The following DPP4 variants were observed in gnomAD, a reference collection of about 807,000 sequenced individuals.
DPP4 encodes the protein dipeptidyl peptidase 4.
DPP4 carries 93 observed loss-of-function variants against 122.4 expected under a neutral mutation model. The observed-to-expected ratio is 0.76, with a 90% CI of 0.64 to 0.90. The LOEUF is 0.90. Among genes scored for constraint, DPP4 ranks in the 40% least tolerant of loss-of-function variants. The pLI, the probability that DPP4 is intolerant of heterozygous loss-of-function variation, is 0.00. For synonymous variants in DPP4, 321 were observed against 302.9 expected (o/e 1.06, Z -0.62); for missense variants, 914 against 907.3 (o/e 1.01, Z -0.09).
intron 8 of DPP4, 60 bp downstream of exon 8, chr2:162,038,242 C>T: frequency 1.4e-6 from 2 of 1,431,920 alleles, no homozygotes; most frequent in South Asian, 2.8e-5. Context: ...GCAAAAGAAA[C>T]ATTTAACTAT....
chr2:162,014,122 G>T (rs941681292), intron 19 of DPP4, among the ~76,000 whole-genome samples: 2 of 152,130 alleles, frequency 1.3e-5, no homozygotes, highest in Non-Finnish European at 2.9e-5. Context: ...GCAGACTTAA[G>T]AATTCCTTTG....
chr2:162,030,407 C>A (rs1015221799), intron 10 of DPP4, among the ~76,000 whole-genome samples: 1 of 152,212 alleles, frequency 6.6e-6, no homozygotes, highest in Non-Finnish European at 1.5e-5. Context: ...CCTCATCCTC[C>A]TGTGGATTTC....
Position 162,008,905 on chromosome 2 carries a change from A to G in DPP4, c.1888-244T>C, listed in dbSNP as rs575905784. Among the ~76,000 whole-genome samples the G allele has an allele frequency of 2.0e-5, 3 of 152,248 alleles. No homozygotes were observed. The East Asian group carries it at 5.8e-4, about 29-fold the overall frequency. On this transcript the variant is annotated intron_variant, in intron 21 of 25. Coordinates refer to ENST00000360534, the MANE Select transcript of DPP4 (RefSeq NM_001935.4). ...TACGGAAAATTTGCTGACCCTAGTGACTGGGTGGTACCAATTATAGAAGAT... is the reference window on the plus strand; with the variant it reads ...TACGGAAAATTTGCTGACCCTAGTGGCTGGGTGGTACCAATTATAGAAGAT...
Position 162,074,214 on chromosome 2 carries a change from C to A in DPP4, c.-233G>T. The A allele has an allele frequency of 2.6e-5, 32 of 1,219,002 alleles. No homozygotes were observed. Among genetic ancestry groups the A allele is most frequent in the Non-Finnish European group, 3.3e-5 (32 of 980,478 alleles). 75.5% of individuals were successfully genotyped at this position (1,219,002 alleles called of 1,614,324 possible). ...GAGCAGGCGCGCGTGGCGCGGGGCA[C>A]TGGCATCCCGGCCGGGGGGAGCCCG... On this transcript the variant is annotated 5_prime_UTR_variant, in exon 1 of 26. Transcript: ENST00000360534.
intron 2 of DPP4, among the ~76,000 whole-genome samples, chr2:162,051,553 T>C (rs75295478): frequency 0.011 from 1,678 of 152,376 alleles, 17 homozygotes; most frequent in East Asian, 0.048. Flanking sequence ...AAGAGTTATC[T>C]GGTTATAAAG....
At chr2:162,061,982 C>T (rs907986402) in intron 2 of DPP4, among the ~76,000 whole-genome samples, 4 of 152,042 alleles carry the variant, frequency 2.6e-5, no homozygotes, top group Admixed American at 1.3e-4. Context: ...TAAATGTGGT[C>T]GCCAGCCTGG....
At chr2:162,006,397 T>C (rs1463056007) in intron 22 of DPP4, among the ~76,000 whole-genome samples, 2 of 152,290 alleles carry the variant, frequency 1.3e-5, no homozygotes, top group South Asian at 2.1e-4. Flanking sequence ...AGACTGGGAT[T>C]CACTATAATA....
intron 3 of DPP4, among the ~76,000 whole-genome samples, 156 bp downstream of exon 3, chr2:162,047,247 C>T (rs181881576): frequency 6.6e-6 from 1 of 151,918 alleles, no homozygotes; most frequent in African/African-American, 2.4e-5. Flanking sequence ...TTCAGTCTTT[C>T]TCCCTTTGCA....
At chr2:162,051,175 G>A (rs572627005) in intron 2 of DPP4, among the ~76,000 whole-genome samples, 35 of 152,290 alleles carry the variant, frequency 2.3e-4, no homozygotes, top group Non-Finnish European at 4.0e-4. Flanking sequence ...TAGAATAGTG[G>A]CATTTAAAAT....
chr2:162,040,135 G>A (rs1683936084), intron 5 of DPP4, among the ~76,000 whole-genome samples: 1 of 151,998 alleles, frequency 6.6e-6, no homozygotes. Flanking sequence ...TAAACAAATT[G>A]AATCCAGATA....
rs112305999 is a variant in DPP4 at position 162,058,862 on chromosome 2, C to T, written c.95-11361G>A. On this transcript the variant is annotated intron_variant, in intron 2 of 25. Coordinates refer to ENST00000360534, the MANE Select transcript of DPP4 (RefSeq NM_001935.4). ...AGTCCTGACTACAGTTTGACAATCT[C>T]ATCTGGACATTCCTCAAAATTGTGA... is the stretch of plus-strand genomic sequence containing the variant. Among the ~76,000 whole-genome samples the T allele has an allele frequency of 4.9e-3, 748 of 152,310 alleles. 4 individuals are homozygous for T. Among genetic ancestry groups the T allele is most frequent in the African/African-American group, 0.017 (716 of 41,558 alleles).
In DPP4 at chr2:162,038,434, A is replaced by G; in HGVS notation, c.493-12T>C. ...TTCCAAACATATGCCTAGAAGGAAA[A>G]AAAACAAGCATTGATATCTATAATA... is the stretch of plus-strand genomic sequence containing the variant. On this transcript the variant is annotated splice_polypyrimidine_tract_variant and intron_variant, in intron 7 of 25. Coordinates refer to ENST00000360534, the MANE Select transcript of DPP4 (RefSeq NM_001935.4). 6.3e-7 allele frequency: 1 copy of G among 1,592,728 alleles called. No homozygotes were observed. Among genetic ancestry groups the G allele is most frequent in the Non-Finnish European group, 8.5e-7 (1 of 1,172,208 alleles).
chr2:162,041,226 A>G (rs1183485549), intron 5 of DPP4, among the ~76,000 whole-genome samples: 1 of 152,164 alleles, frequency 6.6e-6, no homozygotes, highest in Non-Finnish European at 1.5e-5. Context: ...ATATAGATGC[A>G]TATAAAAATT....
At chr2:162,015,034 T>A (rs1330057495) in intron 18 of DPP4, among the ~76,000 whole-genome samples, 1 of 152,220 alleles carries the variant, frequency 6.6e-6, no homozygotes, top group African/African-American at 2.4e-5. Context: ...TTCTGTATGA[T>A]CTCCCACGGG....
At chr2:162,071,930 A>G (rs1018488125) in intron 2 of DPP4, among the ~76,000 whole-genome samples, 1 of 152,234 alleles carries the variant, frequency 6.6e-6, no homozygotes, top group African/African-American at 2.4e-5. Context: ...AGTTCTGATA[A>G]TTACAGTTTT....
intron 2 of DPP4, among the ~76,000 whole-genome samples, chr2:162,054,713 C>T (rs1366387990): frequency 2.0e-5 from 3 of 152,098 alleles, no homozygotes; most frequent in Admixed American, 2.0e-4. Context: ...AATGCCAATG[C>T]CTTGATATTA....
chr2:162,025,613 T>C (rs1198045239), intron 10 of DPP4, among the ~76,000 whole-genome samples: 1 of 152,102 alleles, frequency 6.6e-6, no homozygotes, highest in Non-Finnish European at 1.5e-5. Context: ...ACTTAAAAAA[T>C]TTTTGGAACC....
At chr2:162,046,152 C>T (rs1489203019) in intron 4 of DPP4, among the ~76,000 whole-genome samples, 6 of 152,064 alleles carry the variant, frequency 3.9e-5, no homozygotes, top group African/African-American at 7.2e-5. Flanking sequence ...GAGGGAAGAG[C>T]GGAGGGCTGA....
At position 162,011,861 on chromosome 2, in the gene DPP4, A is replaced by C. The variant is rs761296077; in HGVS notation, c.1764T>G (p.Asp588Glu). 1 of 1,613,698 alleles carries C rather than the reference A, an allele frequency of 6.2e-7. No homozygotes were observed. Among genetic ancestry groups the C allele is most frequent in the South Asian group, 1.1e-5 (1 of 91,054 alleles). The stretch of plus-strand genomic sequence containing the variant: ...TTCTGTTGATTGCATGCATGATCTT[A>C]TCTCCTTGGTAACCACTTCCTCTGC... ...FDGRGSGYQG[D>E]KIMHAINRRL... The change falls in exon 20 of 26, where the codon GAT (aspartate) becomes GAG (glutamate). Residue 588 changes from aspartate (D) to glutamate (E), a missense_variant. Physicochemically the swap from Asp to Glu is conservative, Grantham distance 45. Coordinates refer to ENST00000360534, the MANE Select transcript of DPP4 (RefSeq NM_001935.4).
Sources: gnomAD v4.1 joint callset for allele counts (sites outside exome capture counted in the v4.1 genomes callset) on GRCh38, gnomAD v4.1.1 for gene constraint, MANE v1.5 for transcripts, NCBI Gene and HGNC (gene_info 2026-07-23, HGNC 2026-07-21) for gene names.